NTM: variants seen among roughly 807,000 people sequenced by gnomAD.
NTM encodes the protein IgLON family member 2.
In NTM, 13 loss-of-function variants were observed where a neutral mutation model predicts 42.1. That is an observed-to-expected ratio of 0.31 (90% CI 0.20 to 0.49). The LOEUF is 0.49. NTM is among the 20% of genes least tolerant of loss of function. The pLI, the probability that NTM is intolerant of heterozygous loss-of-function variation, is 0.99. For synonymous variants in NTM, 187 were observed against 179.2 expected (o/e 1.04, Z -0.35); for missense variants, 373 against 452.8 (o/e 0.82, Z 1.60).
intron 1 of NTM, among the ~76,000 whole-genome samples, chr11:131,885,625 G>C (rs2050267274): frequency 6.6e-6 from 1 of 152,264 alleles, no homozygotes; most frequent in East Asian, 1.9e-4. Context: ...ATACCCACCT[G>C]TCATCTCCCC....
intron 1 of NTM, among the ~76,000 whole-genome samples, chr11:131,480,723 G>C (rs1953483174): frequency 6.6e-6 from 1 of 152,078 alleles, no homozygotes; most frequent in African/African-American, 2.4e-5. Flanking sequence ...TGAGTAAGGG[G>C]GCGTGGGAGG....
chr11:131,579,169 C>T lies in NTM; in HGVS notation c.82+208281C>T, dbSNP rs552045262. Reference sequence around the variant, plus strand: ...GGAGACTGCTGTAGGGTCACATGGACCCTGCTCTGAGGAGCAATGGGAAAC... The same window carrying T: ...GGAGACTGCTGTAGGGTCACATGGATCCTGCTCTGAGGAGCAATGGGAAAC... On this transcript the variant is annotated intron_variant, in intron 1 of 8. Transcript: ENST00000683400. Among the ~76,000 whole-genome samples, 18 of 152,228 alleles carry T rather than the reference C, an allele frequency of 1.2e-4. No homozygotes were observed. The South Asian group carries it at 3.1e-3, about 26-fold the overall frequency.
At chr11:131,885,866 C>T (rs1178277602) in intron 1 of NTM, among the ~76,000 whole-genome samples, 1 of 152,152 alleles carries the variant, frequency 6.6e-6, no homozygotes, top group Admixed American at 6.5e-5. Flanking sequence ...CCACTGAAGA[C>T]CAGAGAGGTG....
intron 1 of NTM, among the ~76,000 whole-genome samples, chr11:131,807,246 A>G (rs1251637224): frequency 6.6e-6 from 1 of 152,214 alleles, no homozygotes; most frequent in Non-Finnish European, 1.5e-5. Context: ...GGGAATCCAG[A>G]CTTTATTTGA....
chr11:132,109,232 G>A (rs1245245921), intron 2 of NTM, among the ~76,000 whole-genome samples: 2 of 152,146 alleles, frequency 1.3e-5, no homozygotes, highest in Non-Finnish European at 2.9e-5. Context: ...TGGGATTGCT[G>A]GGTCAAATGG....
intron 2 of NTM, among the ~76,000 whole-genome samples, chr11:131,983,999 A>G (rs1456126681): frequency 6.6e-6 from 1 of 152,252 alleles, no homozygotes; most frequent in East Asian, 1.9e-4. Flanking sequence ...TACTTGATCT[A>G]CCTGCCTGTA....
intron 1 of NTM, among the ~76,000 whole-genome samples, chr11:131,789,363 A>G (rs1467719311): frequency 6.8e-6 from 1 of 147,036 alleles, no homozygotes; most frequent in African/African-American, 2.5e-5. Context: ...AATAATAATA[A>G]TAATAAAGAA....
At chr11:131,730,121 T>A (rs2079455986) in intron 1 of NTM, among the ~76,000 whole-genome samples, 1 of 152,222 alleles carries the variant, frequency 6.6e-6, no homozygotes, top group Admixed American at 6.5e-5. Flanking sequence ...ATCTTGATGA[T>A]CACCATCCTA....
chr11:131,447,960 A>G (rs1311089965), intron 1 of NTM, among the ~76,000 whole-genome samples: 1 of 152,188 alleles, frequency 6.6e-6, no homozygotes, highest in East Asian at 1.9e-4. Context: ...CGGATTTCAC[A>G]TCCATTTCTG....
chr11:132,282,145 T>A (rs2093993619), intron 4 of NTM, among the ~76,000 whole-genome samples: 1 of 152,190 alleles, frequency 6.6e-6, no homozygotes. Flanking sequence ...GAAGTCAGTA[T>A]AAAGATTTAT....
intron 1 of NTM, among the ~76,000 whole-genome samples, chr11:131,455,307 C>T (rs902347975): frequency 1.3e-5 from 2 of 152,186 alleles, no homozygotes. Context: ...GAGGCTCACC[C>T]CAGAGGCTGT....
chr11:132,006,054 T>A (rs375167260), intron 2 of NTM, among the ~76,000 whole-genome samples: 1 of 152,172 alleles, frequency 6.6e-6, no homozygotes, highest in South Asian at 2.1e-4. Context: ...CCCCTTTCCC[T>A]TCCCCTCATC....
At chr11:131,795,598 C>T in intron 1 of NTM, 1 of 985,416 alleles carries the variant, frequency 1.0e-6, no homozygotes, top group Non-Finnish European at 1.2e-6. Flanking sequence ...ACCCTGGTCC[C>T]ACAGAGTCAT....
At chr11:131,868,633 C>G (rs1192698673) in intron 1 of NTM, among the ~76,000 whole-genome samples, 2 of 152,178 alleles carry the variant, frequency 1.3e-5, no homozygotes, top group East Asian at 3.9e-4. Flanking sequence ...GAGTTTCTTG[C>G]GATGTCCGTG....
intron 1 of NTM, 59 bp downstream of exon 1, chr11:131,370,947 T>C: frequency 6.2e-7 from 1 of 1,603,502 alleles, no homozygotes. Context: ...GTGTGCTTTA[T>C]AAGATTTGCA....
At chr11:131,709,965 A>G (rs946763518) in intron 1 of NTM, among the ~76,000 whole-genome samples, 15 of 152,108 alleles carry the variant, frequency 9.9e-5, no homozygotes, top group African/African-American at 3.4e-4. Flanking sequence ...GTGTACTGTA[A>G]AGAGGAAATG....
In NTM at chr11:131,942,578, T is replaced by C. The variant is rs118033318; in HGVS notation, c.167+30930T>C. Among the ~76,000 whole-genome samples, 63 of 152,228 alleles carry C rather than the reference T, an allele frequency of 4.1e-4. No individual in the cohort carries two copies. In the East Asian group the frequency reaches 0.011, roughly 27 times the overall value. On this transcript the variant is annotated intron_variant, in intron 2 of 8. Transcript: ENST00000683400. ...ATTGTCTCTGCACAGGGAACAGCTA[T>C]TTCTATATGAAAAGTCTGTGGATCC...
At chr11:131,564,312 A>G (rs565109404) in intron 1 of NTM, among the ~76,000 whole-genome samples, 2 of 152,194 alleles carry the variant, frequency 1.3e-5, no homozygotes, top group East Asian at 1.9e-4. Context: ...ATTATTTCCC[A>G]TAATTCTGGA....
chr11:132,152,578 A>C (rs1390575900), intron 3 of NTM, among the ~76,000 whole-genome samples: 1 of 152,222 alleles, frequency 6.6e-6, no homozygotes, highest in African/African-American at 2.4e-5. Flanking sequence ...GCTCTCCTCA[A>C]AGCACCCCGG....
Sources: gnomAD v4.1 joint callset for allele counts (sites outside exome capture counted in the v4.1 genomes callset) on GRCh38, gnomAD v4.1.1 for gene constraint, MANE v1.5 for transcripts, NCBI Gene and HGNC (gene_info 2026-07-23, HGNC 2026-07-21) for gene names.